The following CNKSR3 variants were observed in gnomAD, a reference collection of about 807,000 sequenced individuals.
CNKSR3 encodes connector enhancer of kinase suppressor of ras 3.
CNKSR3 carries 36 observed loss-of-function variants against 67.7 expected under a neutral mutation model. The ratio of observed to expected loss-of-function variants is 0.53; its 90% CI spans 0.41 to 0.70. The LOEUF is 0.70. Among genes scored for constraint, CNKSR3 ranks in the 30% least tolerant of loss-of-function variants. The pLI is 0.00. For synonymous variants in CNKSR3, 281 were observed against 271.4 expected, an observed-to-expected ratio of 1.04 and a Z score of -0.35; for missense variants, 630 against 695.2, an observed-to-expected ratio of 0.91 and a Z score of 1.05.
intron 1 of CNKSR3, among the ~76,000 whole-genome samples, chr6:154,475,085 T>G (rs1231642705): frequency 1.3e-5 from 2 of 152,206 alleles, no homozygotes; most frequent in African/African-American, 4.8e-5. Flanking sequence ...CTGATCTCCC[T>G]TGTACACGAG....
At chr6:154,500,088 T>C (rs959576939) in intron 1 of CNKSR3, among the ~76,000 whole-genome samples, 3 of 152,148 alleles carry the variant, frequency 2.0e-5, no homozygotes, top group Non-Finnish European at 2.9e-5. Flanking sequence ...CTTTAACAGG[T>C]GTTACATGAA....
In CNKSR3 at chr6:154,402,093, G is replaced by C. The variant is rs1784722658; in HGVS notation, c.*4261C>G. The C allele has an allele frequency of 6.6e-6, 1 of 152,156 alleles. No homozygotes were observed. 9.4% of individuals were successfully genotyped at this position (152,156 alleles called of 1,614,324 possible). On this transcript the variant is annotated 3_prime_UTR_variant, in exon 13 of 13. Coordinates refer to ENST00000607772, the MANE Select transcript of CNKSR3 (RefSeq NM_173515.4). ...TATAGACTGAAATACTACTTAAGGA[G>C]GATACAGGATTTCTTTTAAAATACT...
Position 154,401,769 on chromosome 6 carries a change from C to T in CNKSR3, c.*4585G>A, listed in dbSNP as rs1013610144. 2.0e-5 allele frequency: 3 copies of T among 152,140 alleles called. No homozygotes were observed. The highest frequency in any genetic ancestry group is 7.2e-5 in the African/African-American group (3 of 41,422). 9.4% of individuals were successfully genotyped at this position (152,140 alleles called of 1,614,324 possible). Reference sequence around the variant, plus strand: ...TAATCTCATCTACAATAGAAGAAAACAAGTCAGGCCTACTTCTCCATACCA... The same window carrying T: ...TAATCTCATCTACAATAGAAGAAAATAAGTCAGGCCTACTTCTCCATACCA... On this transcript the variant is annotated 3_prime_UTR_variant, in exon 13 of 13. Coordinates refer to ENST00000607772, the MANE Select transcript of CNKSR3 (RefSeq NM_173515.4).
At chr6:154,488,430 T>C (rs761351224) in intron 1 of CNKSR3, among the ~76,000 whole-genome samples, 32 of 152,224 alleles carry the variant, frequency 2.1e-4, no homozygotes, top group Non-Finnish European at 3.8e-4. Flanking sequence ...CCTTTTCTCC[T>C]TAATTCATGA....
chr6:154,433,557 G>T (rs773154739), intron 4 of CNKSR3, 50 bp from the exon 5 acceptor site: 20 of 1,368,252 alleles, frequency 1.5e-5, no homozygotes, highest in Non-Finnish European at 2.1e-5. Context: ...AGTTAAAAAC[G>T]TTCAGAACTG....
intron 1 of CNKSR3, among the ~76,000 whole-genome samples, chr6:154,498,163 C>T (rs914524882): frequency 2.6e-5 from 4 of 152,068 alleles, no homozygotes; most frequent in Admixed American, 6.5e-5. Flanking sequence ...TTAGGAATAA[C>T]GGAATTAGGT....
intron 9 of CNKSR3, among the ~76,000 whole-genome samples, chr6:154,415,228 A>T (rs55797216): frequency 0.44 from 51,564 of 117,018 alleles, 11,622 homozygotes; most frequent in African/African-American, 0.5. Flanking sequence ...CTAGCTGCCC[A>T]TTTTTTTTTT....
intron 9 of CNKSR3, among the ~76,000 whole-genome samples, chr6:154,422,137 C>T (rs562331264): frequency 3.3e-5 from 5 of 152,060 alleles, no homozygotes; most frequent in Middle Eastern, 3.4e-3. Context: ...GGACTATAGG[C>T]GCGCACCACC....
At chr6:154,452,682 T>C (rs929641047) in intron 1 of CNKSR3, among the ~76,000 whole-genome samples, 1 of 152,254 alleles carries the variant, frequency 6.6e-6, no homozygotes, top group African/African-American at 2.4e-5. Flanking sequence ...CCCTGGAATG[T>C]ATTTGGAGAG....
intron 1 of CNKSR3, among the ~76,000 whole-genome samples, chr6:154,480,158 A>T (rs1415464976): frequency 6.6e-6 from 1 of 152,122 alleles, no homozygotes; most frequent in African/African-American, 2.4e-5. Context: ...CATGAAAAGG[A>T]ATGTTTTCTT....
chr6:154,506,802 T>C (rs189721889), intron 1 of CNKSR3, among the ~76,000 whole-genome samples: 1 of 152,352 alleles, frequency 6.6e-6, no homozygotes, highest in East Asian at 1.9e-4. Context: ...AGGAATTAAT[T>C]TGACTTACAA....
chr6:154,472,569 A>G (rs1744540124), intron 1 of CNKSR3, among the ~76,000 whole-genome samples: 1 of 152,008 alleles, frequency 6.6e-6, no homozygotes, highest in African/African-American at 2.4e-5. Flanking sequence ...AGTTTACTCT[A>G]TGGATGGCTG....
intron 7 of CNKSR3, among the ~76,000 whole-genome samples, chr6:154,427,059 C>G (rs1250688266): frequency 2.0e-5 from 3 of 152,196 alleles, no homozygotes; most frequent in Admixed American, 2.0e-4. Context: ...ATAAAAACTC[C>G]TAGTGACTCT....
intron 2 of CNKSR3, among the ~76,000 whole-genome samples, chr6:154,444,358 G>A (rs1785663101): frequency 6.6e-6 from 1 of 152,064 alleles, no homozygotes; most frequent in Non-Finnish European, 1.5e-5. Flanking sequence ...AAGTTACAAA[G>A]CTCATCAGCG....
intron 1 of CNKSR3, among the ~76,000 whole-genome samples, chr6:154,483,617 G>C (rs979126586): frequency 9.2e-5 from 14 of 151,510 alleles, no homozygotes; most frequent in African/African-American, 3.2e-4. Context: ...CCAACCCCTA[G>C]GCAGGACACA....
intron 1 of CNKSR3, 84 bp from the exon 2 acceptor site, chr6:154,450,342 C>T (rs990318760): frequency 4.4e-6 from 6 of 1,361,058 alleles, no homozygotes; most frequent in Non-Finnish European, 6.2e-6. Flanking sequence ...TCACATCAAT[C>T]TCAGCAATCA....
chr6:154,498,232 T>C (rs1360309810), intron 1 of CNKSR3, among the ~76,000 whole-genome samples: 1 of 152,232 alleles, frequency 6.6e-6, no homozygotes, highest in Non-Finnish European at 1.5e-5. Flanking sequence ...TTAATTACTA[T>C]GCAGCCAATT....
At chr6:154,483,825 T>C (rs1172311830) in intron 1 of CNKSR3, among the ~76,000 whole-genome samples, 1 of 152,176 alleles carries the variant, frequency 6.6e-6, no homozygotes, top group Non-Finnish European at 1.5e-5. Context: ...ACATTTCTCC[T>C]GCTAGACTGA....
intron 2 of CNKSR3, 108 bp from the exon 3 acceptor site, chr6:154,442,398 G>A (rs1021619266): frequency 6.0e-6 from 5 of 839,914 alleles, no homozygotes; most frequent in Admixed American, 2.1e-5. Context: ...TGAAGTGGGC[G>A]GATCACGAGG....
Sources: allele counts gnomAD v4.1 joint callset (sites outside exome capture counted in the v4.1 genomes callset), GRCh38; gene constraint gnomAD v4.1.1; transcripts MANE v1.5; gene names NCBI Gene and HGNC (gene_info 2026-07-23, HGNC 2026-07-21).